Variants in BBS9 observed in about 807,000 individuals in gnomAD.
BBS9 encodes the protein Bardet-Biedl syndrome 9, also known as protein PTHB1.
BBS9 carries 89 observed loss-of-function variants against 117.7 expected under a neutral mutation model. The observed-to-expected ratio is 0.76, with a 90% CI of 0.64 to 0.90. The LOEUF (loss-of-function observed/expected upper bound fraction) is 0.90, where lower values mean the gene tolerates loss of function less well. Ranked by LOEUF, BBS9 falls within the 40% of genes least tolerant of loss-of-function variation. The probability of loss-of-function intolerance (pLI) is 0.00; values close to 1 mark genes in which losing one functional copy is unlikely to be tolerated. For synonymous variants in BBS9, 379 were observed against 370.9 expected, an observed-to-expected ratio of 1.02 and a Z score of -0.25; for missense variants, 982 against 1,042.2, an observed-to-expected ratio of 0.94 and a Z score of 0.80.
chr7:33,359,260 T>C (rs1382495110), intron 16 of BBS9, among the ~76,000 whole-genome samples: 1 of 152,050 alleles, frequency 6.6e-6, no homozygotes, highest in Admixed American at 6.6e-5. Flanking sequence ...TTGGTGGCTT[T>C]GAAAAACGTT....
At chr7:33,477,752 C>A (rs1841996923) in intron 19 of BBS9, among the ~76,000 whole-genome samples, 1 of 152,116 alleles carries the variant, frequency 6.6e-6, no homozygotes, top group African/African-American at 2.4e-5. Flanking sequence ...ATATTATTGA[C>A]CATAGGCATT....
intron 5 of BBS9, among the ~76,000 whole-genome samples, chr7:33,213,887 C>T (rs1334753550): frequency 6.6e-6 from 1 of 152,124 alleles, no homozygotes; most frequent in Admixed American, 6.5e-5. Flanking sequence ...TCCTCGTTCT[C>T]TTCTCCTTAA....
At chr7:33,303,817 G>T (rs1336013264) in intron 9 of BBS9, among the ~76,000 whole-genome samples, 1 of 151,724 alleles carries the variant, frequency 6.6e-6, no homozygotes, top group East Asian at 2.0e-4. Flanking sequence ...TGCTCAATGT[G>T]GCCCAGGCTG....
chr7:33,177,588 A>G lies in BBS9; in HGVS notation c.439A>G (p.Lys147Glu). The change falls in exon 5 of 23, where the codon AAA becomes GAA. Residue 147 changes from lysine (K) to glutamate (E), a missense_variant. Transcript: ENST00000242067. ...NMTYGSFGGV[K>E]GRDLICIQSM... ...GACCTATGGATCATTTGGTGGTGTAAAAGGTAATTTGCTTTTAATCATGAG... is the reference window on the plus strand; with the variant it reads ...GACCTATGGATCATTTGGTGGTGTAGAAGGTAATTTGCTTTTAATCATGAG... 6.2e-7 allele frequency: 1 copy of G among 1,605,876 alleles called. No homozygotes were observed. Among genetic ancestry groups the G allele is most frequent in the Non-Finnish European group, 8.5e-7 (1 of 1,172,786 alleles).
At chr7:33,429,180 C>CT (rs1834066775) in intron 19 of BBS9, among the ~76,000 whole-genome samples, 1 of 151,526 alleles carries the variant, frequency 6.6e-6, no homozygotes, top group African/African-American at 2.4e-5. Flanking sequence ...TAGCAGTTTT[C>CT]TTTTTCAAAA....
chr7:33,345,526 T>C (rs1817433082), intron 12 of BBS9, among the ~76,000 whole-genome samples: 1 of 152,178 alleles, frequency 6.6e-6, no homozygotes, highest in Non-Finnish European at 1.5e-5. Context: ...AATGTGGAGA[T>C]CTTTGGTCGA....
chr7:33,200,929 A>G (rs1309702878), intron 5 of BBS9, among the ~76,000 whole-genome samples: 1 of 152,202 alleles, frequency 6.6e-6, no homozygotes, highest in African/African-American at 2.4e-5. Flanking sequence ...TTTGACAGCC[A>G]TACAATAAAG....
At chr7:33,168,712 A>G (rs937062226) in intron 4 of BBS9, among the ~76,000 whole-genome samples, 128 of 152,102 alleles carry the variant, frequency 8.4e-4, no homozygotes, top group Admixed American at 2.9e-3. Flanking sequence ...TACTCCTTCA[A>G]TTTGAAACCT....
chr7:33,507,063 C>G (rs1704079489), intron 20 of BBS9, among the ~76,000 whole-genome samples: 2 of 152,098 alleles, frequency 1.3e-5, no homozygotes, highest in South Asian at 4.1e-4. Context: ...TCTTCTGTAG[C>G]TGTAAGATGG....
chr7:33,183,956 A>G (rs528996937), intron 5 of BBS9, among the ~76,000 whole-genome samples: 1 of 152,298 alleles, frequency 6.6e-6, no homozygotes, highest in East Asian at 1.9e-4. Context: ...TCTTTATGAC[A>G]GAATATAGTA....
intron 9 of BBS9, among the ~76,000 whole-genome samples, chr7:33,298,387 G>C (rs1298605657): frequency 6.6e-6 from 1 of 152,008 alleles, no homozygotes; most frequent in Non-Finnish European, 1.5e-5. Flanking sequence ...TTTGGGGATT[G>C]GATAAGTTAA....
intron 20 of BBS9, among the ~76,000 whole-genome samples, chr7:33,532,216 T>C (rs2392246): frequency 0.63 from 95,583 of 152,154 alleles, 32,399 homozygotes; most frequent in African/African-American, 0.88. Flanking sequence ...TAGGGCATTG[T>C]AGCATGAGCG....
intron 16 of BBS9, among the ~76,000 whole-genome samples, chr7:33,359,471 T>C (rs1297221152): frequency 6.6e-6 from 1 of 152,070 alleles, no homozygotes; most frequent in African/African-American, 2.4e-5. Flanking sequence ...GTCATTATGC[T>C]CATCAGCATA....
chr7:33,539,859 C>T (rs1383722957), intron 21 of BBS9, among the ~76,000 whole-genome samples: 1 of 152,194 alleles, frequency 6.6e-6, no homozygotes, highest in African/African-American at 2.4e-5. Flanking sequence ...CCTCTGCAGC[C>T]AATTCGTGTT....
intron 18 of BBS9, among the ~76,000 whole-genome samples, chr7:33,385,771 A>G (rs1490895283): frequency 6.6e-6 from 1 of 152,054 alleles, no homozygotes; most frequent in Non-Finnish European, 1.5e-5. Context: ...CAGGAAATAA[A>G]TTATAGCAGT....
chr7:33,355,553 A>G (rs1819469620), intron 15 of BBS9, among the ~76,000 whole-genome samples: 1 of 151,932 alleles, frequency 6.6e-6, no homozygotes, highest in African/African-American at 2.4e-5. Flanking sequence ...TATGAGTGTC[A>G]TCATTTTTCA....
intron 5 of BBS9, among the ~76,000 whole-genome samples, chr7:33,243,766 T>A (rs374788471): frequency 2.0e-5 from 3 of 152,168 alleles, no homozygotes; most frequent in African/African-American, 7.2e-5. Flanking sequence ...TTTTGGATGG[T>A]CTTAAGATAA....
chr7:33,399,328 A>G (rs1828532457), intron 19 of BBS9, among the ~76,000 whole-genome samples: 1 of 152,200 alleles, frequency 6.6e-6, no homozygotes, highest in African/African-American at 2.4e-5. Context: ...GCAGTTGTGA[A>G]GCACTCTTAG....
chr7:33,231,689 A>G (rs1484364622), intron 5 of BBS9, among the ~76,000 whole-genome samples: 1 of 152,064 alleles, frequency 6.6e-6, no homozygotes, highest in Non-Finnish European at 1.5e-5. Flanking sequence ...GATGCTTGGG[A>G]AATCCGAATT....
Sources: gnomAD v4.1 joint callset for allele counts (sites outside exome capture counted in the v4.1 genomes callset) on GRCh38, gnomAD v4.1.1 for gene constraint, MANE v1.5 for transcripts, NCBI Gene and HGNC (gene_info 2026-07-23, HGNC 2026-07-21) for gene names.